EML1: variants seen among roughly 807,000 people sequenced by gnomAD.
EML1 encodes echinoderm microtubule-associated protein-like 1.
In EML1, 27 loss-of-function variants were observed where a neutral mutation model predicts 110.4. The ratio of observed to expected loss-of-function variants is 0.24; its 90% confidence interval spans 0.18 to 0.34. EML1 has a LOEUF of 0.34. Among genes scored for constraint, EML1 ranks in the 10% least tolerant of loss-of-function variants. EML1 has a pLI of 1.00. For missense variants in EML1, 741 were observed against 1,030.9 expected (o/e 0.72, Z 3.85); for synonymous variants, 344 against 385.8 (o/e 0.89, Z 1.27).
chr14:99,805,582 C>T (rs1403511790), intron 1 of EML1, among the ~76,000 whole-genome samples: 1 of 152,094 alleles, frequency 6.6e-6, no homozygotes, highest in East Asian at 1.9e-4. Context: ...CCAAGCAGTC[C>T]TCTAGCATCA....
chr14:99,909,520 A>G (rs371476131), intron 11 of EML1, 41 bp downstream of exon 11: 116 of 1,612,380 alleles, frequency 7.2e-5, no homozygotes, highest in Non-Finnish European at 9.5e-5. Flanking sequence ...TTTCTCTCGT[A>G]TATGTGATTG....
chr14:99,812,957 T>C (rs374455077), intron 1 of EML1, among the ~76,000 whole-genome samples: 1 of 152,108 alleles, frequency 6.6e-6, no homozygotes. Flanking sequence ...AACCAAAGGC[T>C]CTCTCATTTA....
chr14:99,869,018 G>A (rs2059150310), intron 3 of EML1, among the ~76,000 whole-genome samples: 1 of 152,104 alleles, frequency 6.6e-6, no homozygotes. Context: ...TATGTCTCCG[G>A]ATATTTTTAA....
chr14:99,892,170 G>A, intron 5 of EML1: 1 of 985,364 alleles, frequency 1.0e-6, no homozygotes, highest in Non-Finnish European at 1.2e-6. Context: ...AATCACAAGG[G>A]AAACGCCGGG....
intron 3 of EML1, among the ~76,000 whole-genome samples, chr14:99,874,206 G>T (rs992480492): frequency 1.1e-4 from 16 of 152,132 alleles, no homozygotes; most frequent in African/African-American, 3.6e-4. Flanking sequence ...ATTTTATTAT[G>T]TCTAAAGTGT....
rs200276967 is a variant in EML1, at chr14:99,920,863, T to C, written c.1895T>C (p.Met632Thr). The change falls in exon 17 of 22, where the codon ATG (methionine) becomes ACG (threonine). Residue 632 changes from methionine (M) to threonine (T), a missense_variant. By Grantham distance (81) the Met-to-Thr change is moderately conservative (BLOSUM62 -1). This residue lies in a region of EML1 where 388 missense variants were observed against 605.6 expected (regional missense o/e 0.64). Coordinates refer to ENST00000262233, the MANE Select transcript of EML1 (RefSeq NM_004434.3). Reference sequence around the variant, plus strand: ...GATGGAAACGAACAGCTCTCTGTAATGCGATACTCACCAGGTTAGACTCCA... The same window carrying C: ...GATGGAAACGAACAGCTCTCTGTAACGCGATACTCACCAGGTTAGACTCCA... ...HTDGNEQLSVMRYSPDGNFLA... is the reference protein window; with the variant it reads ...HTDGNEQLSVTRYSPDGNFLA... 1.2e-6 allele frequency: 2 copies of C among 1,613,194 alleles called. No homozygotes were observed. The highest frequency in any genetic ancestry group is 1.3e-5 in the African/African-American group (1 of 74,968).
chr14:99,863,803 G>A (rs901824002), intron 2 of EML1, among the ~76,000 whole-genome samples: 1 of 152,230 alleles, frequency 6.6e-6, no homozygotes, highest in Non-Finnish European at 1.5e-5. Context: ...TTTACATGCG[G>A]GTTTGTGTAG....
In EML1 at chr14:99,928,218, G is replaced by GTGA. The variant is rs1566943441; in HGVS notation, c.1909+7343_1909+7344insATG. On this transcript the variant is annotated intron_variant, in intron 17 of 21. Coordinates refer to ENST00000262233, the MANE Select transcript of EML1 (RefSeq NM_004434.3). ...GGTGGTGGTGGTGGTGATGGTGATG[G>GTGA]TGGTGGTGGTGGTGGTGGTGGTGGT... Among the ~76,000 whole-genome samples, 52 of 53,840 alleles carry GTGA rather than the reference G, an allele frequency of 9.7e-4. 21 individuals are homozygous for GTGA. The highest frequency in any genetic ancestry group is 7.7e-3 in the African/African-American group (48 of 6,246). 35.3% of individuals were successfully genotyped at this position (53,840 alleles called of 152,430 possible).
chr14:99,871,700 G>A (rs1394409321), intron 3 of EML1, among the ~76,000 whole-genome samples: 3 of 152,214 alleles, frequency 2.0e-5, no homozygotes, highest in African/African-American at 7.2e-5. Flanking sequence ...TCGAAATGCA[G>A]CCTGAGGATA....
intron 1 of EML1, among the ~76,000 whole-genome samples, chr14:99,819,219 T>G (rs1416355329): frequency 6.6e-6 from 1 of 152,176 alleles, no homozygotes; most frequent in African/African-American, 2.4e-5. Flanking sequence ...CCTCCCAAGG[T>G]GTGGGGACTA....
chr14:99,765,820 C>A (rs10135882), intron 1 of EML1, among the ~76,000 whole-genome samples: 1 of 151,778 alleles, frequency 6.6e-6, no homozygotes, highest in Non-Finnish European at 1.5e-5. Flanking sequence ...TATCAGGCTG[C>A]TCTTGAACCC....
chr14:99,795,069 G>T (rs2057745019), intron 1 of EML1, among the ~76,000 whole-genome samples: 1 of 152,182 alleles, frequency 6.6e-6, no homozygotes, highest in Non-Finnish European at 1.5e-5. Context: ...TGTATTAAAT[G>T]ACTTTGAGGC....
intron 2 of EML1, among the ~76,000 whole-genome samples, chr14:99,864,368 C>A (rs965175206): frequency 6.6e-6 from 1 of 152,126 alleles, no homozygotes; most frequent in African/African-American, 2.4e-5. Context: ...TTTTTTCTTT[C>A]ATGGATTGTG....
intron 1 of EML1, among the ~76,000 whole-genome samples, chr14:99,759,333 C>T (rs1314749570): frequency 6.6e-6 from 1 of 152,258 alleles, no homozygotes; most frequent in East Asian, 1.9e-4. Context: ...GTGAGTTCTG[C>T]ATGGCCCGCT....
chr14:99,752,089 G>A (rs1005765416), intron 1 of EML1, among the ~76,000 whole-genome samples: 1 of 152,144 alleles, frequency 6.6e-6, no homozygotes. Flanking sequence ...CAGAGACACC[G>A]TTAATCGCCC....
chr14:99,789,188 ATTTC>A (rs371660861), upstream of EML1, among the ~76,000 whole-genome samples: 56 of 151,756 alleles, frequency 3.7e-4, no homozygotes, highest in East Asian at 7.0e-3. Context: ...GGAATTTTCT[ATTTC>A]TTTCTTTCTT....
chr14:99,877,711 G>A (rs75840242), intron 3 of EML1, among the ~76,000 whole-genome samples: 86 of 152,280 alleles, frequency 5.6e-4, no homozygotes, highest in African/African-American at 1.9e-3. Context: ...TTTGTCCCAC[G>A]CCTGCCTTTA....
At chr14:99,790,865 C>CTTTTTTTTTTTTTTTTTTT (rs763959981), upstream of EML1, among the ~76,000 whole-genome samples, 123 of 138,432 alleles carry the variant, frequency 8.9e-4, 6 homozygotes, top group Non-Finnish European at 1.0e-3. Context: ...TTTTTCTTTT[C>CTTTTTTTTTTTTTTTTTTT]CTTTTTTTTT....
At chr14:99,741,628 ACC>A (rs11361579) in intron 1 of EML1, among the ~76,000 whole-genome samples, 22 of 148,234 alleles carry the variant, frequency 1.5e-4, no homozygotes, top group Admixed American at 6.0e-4. Context: ...TTTTGCGCCC[ACC>A]CCCCCCCAGA....
Sources: allele counts gnomAD v4.1 joint callset (sites outside exome capture counted in the v4.1 genomes callset), GRCh38; gene constraint gnomAD v4.1.1; regional missense constraint gnomAD v4.1.1; transcripts MANE v1.5; gene names NCBI Gene and HGNC (gene_info 2026-07-23, HGNC 2026-07-21).